KCNB2: variants seen among roughly 807,000 people sequenced by gnomAD.
KCNB2 encodes potassium voltage-gated channel subfamily B member 2, also known as delayed rectifier potassium channel protein.
A neutral mutation model predicts 61.5 loss-of-function variants in KCNB2; 15 were observed. The observed-to-expected ratio is 0.24, with a 90% CI of 0.16 to 0.38. The LOEUF is 0.38. Ranked by LOEUF, KCNB2 falls within the 10% of genes least tolerant of loss-of-function variation. KCNB2 has a pLI of 1.00. For missense variants in KCNB2, 828 were observed against 1,125.2 expected, an observed-to-expected ratio of 0.74 and a Z score of 3.78; for synonymous variants, 457 against 446.0, an observed-to-expected ratio of 1.02 and a Z score of -0.31.
At chr8:72,628,229 C>T (rs1805822573) in intron 2 of KCNB2, among the ~76,000 whole-genome samples, 1 of 152,218 alleles carries the variant, frequency 6.6e-6, no homozygotes, top group Non-Finnish European at 1.5e-5. Flanking sequence ...GCTGGGATTA[C>T]AGGCGTGAGC....
Position 72,690,038 on chromosome 8 carries a change from T to TAAAA in KCNB2, c.579+121735_579+121738dup, listed in dbSNP as rs5892360. Among the ~76,000 whole-genome samples, 438 of 148,620 alleles carry TAAAA rather than the reference T, an allele frequency of 2.9e-3. 2 individuals carry two copies. The highest frequency in any genetic ancestry group is 3.4e-3 in the Middle Eastern group (1 of 292). ...CTGCATTAAAACCTTGCCCTCGCCA[T>TAAAA]AAAAAAAAAAAAATCAAACTTCTTA... On this transcript the variant is annotated intron_variant, in intron 2 of 2. Coordinates refer to ENST00000523207, the MANE Select transcript of KCNB2 (RefSeq NM_004770.3).
At chr8:72,841,459 A>G (rs1357950393) in intron 2 of KCNB2, among the ~76,000 whole-genome samples, 4 of 147,826 alleles carry the variant, frequency 2.7e-5, no homozygotes, top group African/African-American at 7.7e-5. Flanking sequence ...GTTTTTTCCA[A>G]TTCTCTGAAG....
intron 2 of KCNB2, among the ~76,000 whole-genome samples, chr8:72,807,410 AAG>A (rs1563391067): frequency 6.6e-6 from 1 of 152,180 alleles, no homozygotes. Context: ...CTGCAGGTAT[AAG>A]TTATTACTGT....
At chr8:72,869,305 GT>G (rs369763967) in intron 2 of KCNB2, among the ~76,000 whole-genome samples, 6 of 152,226 alleles carry the variant, frequency 3.9e-5, no homozygotes, top group African/African-American at 1.2e-4. Flanking sequence ...CTCCTCAAGG[GT>G]TTAGATACAT....
At chr8:72,729,132 A>G (rs1807699735) in intron 2 of KCNB2, among the ~76,000 whole-genome samples, 3 of 152,144 alleles carry the variant, frequency 2.0e-5, no homozygotes, top group African/African-American at 7.2e-5. Context: ...CATCTGCACA[A>G]TGAGGAGTTC....
At chr8:72,561,755 A>ATG (rs1806530408) in intron 1 of KCNB2, among the ~76,000 whole-genome samples, 8 of 23,586 alleles carry the variant, frequency 3.4e-4, no homozygotes, top group African/African-American at 2.3e-3. Context: ...ATGTATATAT[A>ATG]TATATGGATA....
At chr8:72,614,968 C>T (rs1426622069) in intron 2 of KCNB2, among the ~76,000 whole-genome samples, 9 of 152,018 alleles carry the variant, frequency 5.9e-5, no homozygotes, top group African/African-American at 2.2e-4. Flanking sequence ...GAGGCAGGAC[C>T]CTATGAGCAG....
At chr8:72,690,038 T>A (rs200874179) in intron 2 of KCNB2, among the ~76,000 whole-genome samples, 8 of 148,608 alleles carry the variant, frequency 5.4e-5, no homozygotes, top group South Asian at 2.1e-4. Flanking sequence ...GCCCTCGCCA[T>A]AAAAAAAAAA....
intron 2 of KCNB2, among the ~76,000 whole-genome samples, chr8:72,883,468 G>T (rs1029394765): frequency 6.6e-6 from 1 of 152,162 alleles, no homozygotes; most frequent in Non-Finnish European, 1.5e-5. Context: ...CAACTCATTT[G>T]TTGCTGTCCC....
intron 2 of KCNB2, among the ~76,000 whole-genome samples, chr8:72,905,080 T>TC (rs1382874858): frequency 6.6e-6 from 1 of 152,144 alleles, no homozygotes; most frequent in African/African-American, 2.4e-5. Context: ...GACTTCACCT[T>TC]CAGTGTTCCT....
At chr8:72,567,219 G>A (rs571916353) in intron 1 of KCNB2, among the ~76,000 whole-genome samples, 2 of 152,100 alleles carry the variant, frequency 1.3e-5, no homozygotes, top group East Asian at 3.9e-4. Flanking sequence ...GGCTGAGGTG[G>A]GAGGATCATC....
At chr8:72,579,578 T>C (rs1032079151) in intron 2 of KCNB2, among the ~76,000 whole-genome samples, 2 of 152,182 alleles carry the variant, frequency 1.3e-5, no homozygotes, top group Non-Finnish European at 2.9e-5. Context: ...CCTCCCTTAA[T>C]CCGTGAACTC....
chr8:72,641,073 G>A (rs1471664996), intron 2 of KCNB2, among the ~76,000 whole-genome samples: 2 of 152,088 alleles, frequency 1.3e-5, no homozygotes, highest in East Asian at 3.9e-4. Context: ...AAGCAAAAGT[G>A]CAGATCAAGC....
At chr8:72,832,918 C>T (rs1326675942) in intron 2 of KCNB2, among the ~76,000 whole-genome samples, 1 of 152,124 alleles carries the variant, frequency 6.6e-6, no homozygotes, top group African/African-American at 2.4e-5. Context: ...AGGCTATTTG[C>T]TATATAAACA....
rs184379547 is a variant in KCNB2 at position 72,675,072 on chromosome 8, A to C, written c.579+106759A>C. Among the ~76,000 whole-genome samples, 253 of 152,326 alleles carry C rather than the reference A, an allele frequency of 1.7e-3. 8 individuals are homozygous for C. The highest frequency in any genetic ancestry group is 0.016 in the Admixed American group (238 of 15,310). On this transcript the variant is annotated intron_variant, in intron 2 of 2. Transcript: ENST00000523207. The stretch of plus-strand genomic sequence containing the variant: ...CATACCTTTTCTTGCATACAACTAA[A>C]TGTAGAAATGACTAATGGGGCTACA...
intron 2 of KCNB2, among the ~76,000 whole-genome samples, chr8:72,787,142 C>T (rs542641536): frequency 3.3e-4 from 50 of 152,246 alleles, no homozygotes; most frequent in African/African-American, 1.1e-3. Flanking sequence ...GAACAGGAAA[C>T]ACTCCATGAA....
chr8:72,874,324 G>A (rs923155097), intron 2 of KCNB2, among the ~76,000 whole-genome samples: 2 of 152,162 alleles, frequency 1.3e-5, no homozygotes, highest in Admixed American at 6.5e-5. Context: ...ACTGAGGGCT[G>A]CCGGCTTTAT....
chr8:72,630,071 C>T (rs989175794), intron 2 of KCNB2, among the ~76,000 whole-genome samples: 1 of 152,142 alleles, frequency 6.6e-6, no homozygotes, highest in Non-Finnish European at 1.5e-5. Context: ...CAGTTGTATG[C>T]TGGAATTGAC....
At chr8:72,835,124 A>G (rs1219943367) in intron 2 of KCNB2, among the ~76,000 whole-genome samples, 3 of 152,234 alleles carry the variant, frequency 2.0e-5, no homozygotes, top group South Asian at 2.1e-4. Context: ...ACAGAAGCTC[A>G]TCAGGACAAA....
Sources: allele counts gnomAD v4.1 joint callset (sites outside exome capture counted in the v4.1 genomes callset), GRCh38; gene constraint gnomAD v4.1.1; transcripts MANE v1.5; gene names NCBI Gene and HGNC (gene_info 2026-07-23, HGNC 2026-07-21).